Variants in PLEKHM2 observed in about 807,000 individuals in gnomAD.
PLEKHM2 encodes the protein pleckstrin homology domain-containing family M member 2.
In PLEKHM2, 77 loss-of-function variants were observed where a neutral mutation model predicts 116.3. The observed-to-expected ratio is 0.66, with a 90% CI of 0.55 to 0.80. The LOEUF (loss-of-function observed/expected upper bound fraction) is 0.80, where lower values mean the gene tolerates loss of function less well. PLEKHM2 is among the 30% of genes least tolerant of loss of function. The pLI is 0.00. For synonymous variants in PLEKHM2, 562 were observed against 571.0 expected, an observed-to-expected ratio of 0.98 and a Z score of 0.22; for missense variants, 1,183 against 1,354.9, an observed-to-expected ratio of 0.87 and a Z score of 1.99.
At chr1:15,711,324 G>C (rs1437016239) in intron 1 of PLEKHM2, among the ~76,000 whole-genome samples, 5 of 151,496 alleles carry the variant, frequency 3.3e-5, no homozygotes, top group Non-Finnish European at 4.4e-5. Context: ...AAGAAAAAAG[G>C]CACTTTTGTG....
intron 1 of PLEKHM2, among the ~76,000 whole-genome samples, chr1:15,713,116 G>T (rs890330034): frequency 6.6e-6 from 1 of 151,514 alleles, no homozygotes; most frequent in East Asian, 1.9e-4. Context: ...TTAATTTTTT[G>T]TTTGTTTGTT....
intron 3 of PLEKHM2, among the ~76,000 whole-genome samples, chr1:15,717,058 C>G (rs1244756130): frequency 2.0e-5 from 3 of 152,184 alleles, no homozygotes; most frequent in Non-Finnish European, 2.9e-5. Context: ...TTTAGACCAG[C>G]CTGGGCAACA....
At chr1:15,696,571 G>C (rs948983911) in intron 1 of PLEKHM2, among the ~76,000 whole-genome samples, 1 of 152,034 alleles carries the variant, frequency 6.6e-6, no homozygotes, top group Non-Finnish European at 1.5e-5. Context: ...GGCTGGTCTC[G>C]AACTCCTGAC....
intron 8 of PLEKHM2, chr1:15,725,826 G>A (rs1571064104): frequency 5.5e-5 from 26 of 473,722 alleles, no homozygotes; most frequent in Non-Finnish European, 7.3e-5. Context: ...TCAGGGTGCC[G>A]GTGTGGCCAG....
intron 14 of PLEKHM2, among the ~76,000 whole-genome samples, chr1:15,730,214 G>A (rs990912959): frequency 3.9e-5 from 6 of 152,256 alleles, no homozygotes; most frequent in Non-Finnish European, 8.8e-5. Context: ...GCCAAGGCAG[G>A]CGGATCACCT....
In PLEKHM2 at chr1:15,729,024, G is replaced by A. The variant is rs992445848; in HGVS notation, c.1987-78G>A. 7.5e-6 allele frequency: 10 copies of A among 1,338,252 alleles called. No homozygotes were observed. The highest frequency in any genetic ancestry group is 2.0e-5 in the Admixed American group (1 of 50,662). The allele number at this position is 1,338,252 out of a possible 1,614,324, so 82.9% of individuals were successfully genotyped here. On this transcript the variant is annotated intron_variant, in intron 12 of 19. Transcript: ENST00000375799. This position sits in a 1 kb window ranked among gnomAD's most constrained non-coding sequence, Gnocchi z 4.7. The stretch of plus-strand genomic sequence containing the variant: ...GTGTGCTTCTTCCTCCCCAGCAAGC[G>A]CTCAGCCTGGCCAAGCTGCCTTCTC...
chr1:15,712,346 C>T (rs1416194253), intron 1 of PLEKHM2, among the ~76,000 whole-genome samples: 1 of 152,146 alleles, frequency 6.6e-6, no homozygotes, highest in Non-Finnish European at 1.5e-5. Flanking sequence ...TGTTGGCCAG[C>T]ATGGTCGGAG....
At chr1:15,711,597 A>G (rs1641330737) in intron 1 of PLEKHM2, among the ~76,000 whole-genome samples, 1 of 151,980 alleles carries the variant, frequency 6.6e-6, no homozygotes, top group South Asian at 2.1e-4. Flanking sequence ...AGCCTGGGCA[A>G]CAGAGCGAGG....
intron 1 of PLEKHM2, among the ~76,000 whole-genome samples, chr1:15,687,916 T>C (rs143772966): frequency 6.6e-6 from 1 of 152,358 alleles, no homozygotes; most frequent in Non-Finnish European, 1.5e-5. Context: ...GAAAATGAGA[T>C]GCATATTTCT....
In PLEKHM2 at chr1:15,734,405, C is replaced by T. The variant is rs544399126; in HGVS notation, c.*471C>T. On this transcript the variant is annotated 3_prime_UTR_variant, in exon 20 of 20. Coordinates refer to ENST00000375799, the MANE Select transcript of PLEKHM2 (RefSeq NM_015164.4). ...CTGGCCACGTGGGGAAGCGGGAACA[C>T]GGGGTGTCTGCGCATGTTTCCTCCT... The T allele has an allele frequency of 2.1e-4, 33 of 160,350 alleles. No individual in the cohort carries two copies. Among genetic ancestry groups the T allele is most frequent in the Admixed American group, 3.2e-4 (5 of 15,728 alleles). 9.9% of individuals were successfully genotyped at this position (160,350 alleles called of 1,614,324 possible).
chr1:15,715,096 C>T (rs756470567), intron 1 of PLEKHM2, among the ~76,000 whole-genome samples: 3 of 152,148 alleles, frequency 2.0e-5, no homozygotes, highest in Admixed American at 2.0e-4. Flanking sequence ...TAGGGCTTAA[C>T]GTGAGCCTTG....
chr1:15,685,424 C>T lies in PLEKHM2; in HGVS notation c.60+806C>T, dbSNP rs187540560. Reference sequence around the variant, plus strand: ...ATAATAATAATAAATTTAAAAGAATCCATATTCACTGAAAACCTAAATGGC... The same window carrying T: ...ATAATAATAATAAATTTAAAAGAATTCATATTCACTGAAAACCTAAATGGC... On this transcript the variant is annotated intron_variant, in intron 1 of 19. Coordinates refer to ENST00000375799, the MANE Select transcript of PLEKHM2 (RefSeq NM_015164.4). Among the ~76,000 whole-genome samples the T allele has an allele frequency of 1.3e-3, 190 of 151,386 alleles. 1 individual carries two copies. Among genetic ancestry groups the T allele is most frequent in the Non-Finnish European group, 1.1e-3 (77 of 67,884 alleles).
rs751706088 is a variant in PLEKHM2, at chr1:15,733,950, C to T, written c.*16C>T. On this transcript the variant is annotated 3_prime_UTR_variant, in exon 20 of 20. Transcript: ENST00000375799. ...CTGGTGCTGAGGCAGAGCTGGTTGG[C>T]GTCCCTGGTGGGCAGGAAAGGAAGG... is the stretch of plus-strand genomic sequence containing the variant. 22 of 1,606,206 alleles carry T rather than the reference C, an allele frequency of 1.4e-5. No homozygotes were observed. In the African/African-American group the frequency reaches 2.1e-4, roughly 16 times the overall value.
chr1:15,685,541 GAAAAAAA>G (rs200301672), intron 1 of PLEKHM2, among the ~76,000 whole-genome samples: 2 of 73,510 alleles, frequency 2.7e-5, no homozygotes, highest in Admixed American at 1.9e-4. Context: ...CTCAGAAACT[GAAAAAAA>G]AAAAAAAAAA....
rs771517914 is a variant in PLEKHM2 at position 15,732,503 on chromosome 1, G to A, written c.2779G>A (p.Glu927Lys). ...KLGDISAVSTEPGKEYCVLEF... is the reference protein window; with the variant it reads ...KLGDISAVSTKPGKEYCVLEF... ...GGGCGACATCAGCGCCGTCTCCACC[G>A]AGCCGGGCAAGGAGTACTGCGTCTT... The change falls in exon 18 of 20, where the codon GAG becomes AAG. Residue 927 changes from glutamate to lysine, a missense_variant. This residue lies in a region of PLEKHM2 where 594 missense variants were observed against 720.1 expected (regional missense o/e 0.82). Transcript: ENST00000375799. 41 of 1,609,130 alleles carry A rather than the reference G, an allele frequency of 2.5e-5. No individual in the cohort carries two copies. Among genetic ancestry groups the A allele is most frequent in the Non-Finnish European group, 3.1e-5 (37 of 1,178,088 alleles).
intron 1 of PLEKHM2, 55 bp downstream of exon 1, chr1:15,684,673 C>T (rs1032039258): frequency 9.1e-5 from 69 of 756,024 alleles, no homozygotes; most frequent in Non-Finnish European, 1.1e-4. Flanking sequence ...CCCCCCACGC[C>T]CTCCGGCGGC....
At position 15,732,246 on chromosome 1, in the gene PLEKHM2, C is replaced by G. The variant is rs1191600173; in HGVS notation, c.2626-104C>G. On this transcript the variant is annotated intron_variant, in intron 17 of 19. Coordinates refer to ENST00000375799, the MANE Select transcript of PLEKHM2 (RefSeq NM_015164.4). ...TGCTCCCGATCCCTGGAGGGAGATC[C>G]CTGGAGGGAGAGCAGAAGGGCTGGC... 8.4e-6 allele frequency: 9 copies of G among 1,075,946 alleles called. No individual in the cohort carries two copies. In the Admixed American group the frequency reaches 1.9e-4, roughly 22 times the overall value. The allele number at this position is 1,075,946 out of a possible 1,614,324, so 66.6% of individuals were successfully genotyped here. A position where few individuals can be genotyped will look rare whatever the true frequency, so the allele number is the denominator to read the frequency against.
rs1035799281 is a variant in PLEKHM2, at chr1:15,728,514, G to C, written c.1922-155G>C. ...GGTGTTGCCAGCAGCCCTGAGACGT[G>C]AGCCTGGGGCTCCCTCTGTGAGCAC... On this transcript the variant is annotated intron_variant, in intron 11 of 19. Coordinates refer to ENST00000375799, the MANE Select transcript of PLEKHM2 (RefSeq NM_015164.4). The surrounding 1 kb of genome is among the most constrained non-coding windows in gnomAD (Gnocchi z 5.9). 1.3e-5 allele frequency among the ~76,000 whole-genome samples: 2 copies of C among 152,212 alleles called. No homozygotes were observed. Among genetic ancestry groups the C allele is most frequent in the African/African-American group, 4.8e-5 (2 of 41,466 alleles).
At chr1:15,683,492 A>G (rs1640688324), upstream of PLEKHM2, among the ~76,000 whole-genome samples, 1 of 139,242 alleles carries the variant, frequency 7.2e-6, no homozygotes, top group Admixed American at 7.1e-5. Flanking sequence ...GTCTCTGAGG[A>G]GGGCCGGGGT....
Sources: gnomAD v4.1 joint callset for allele counts (sites outside exome capture counted in the v4.1 genomes callset) on GRCh38, gnomAD v4.1.1 for gene constraint, gnomAD v4.1.1 regional missense constraint, Gnocchi (gnomAD v3.1) non-coding constraint, MANE v1.5 for transcripts, NCBI Gene and HGNC (gene_info 2026-07-23, HGNC 2026-07-21) for gene names.